Variants in TACC2 observed in about 807,000 individuals in gnomAD.
TACC2 encodes the protein transforming acidic coiled-coil containing protein 2.
Under a neutral mutation model 227.3 loss-of-function variants are expected in TACC2, and 137 were observed. That is an observed-to-expected ratio of 0.60 (90% confidence interval 0.52 to 0.69). TACC2 has a LOEUF of 0.69. Ranked by LOEUF, TACC2 falls within the 30% of genes least tolerant of loss-of-function variation. TACC2 has a pLI of 0.00. For missense variants in TACC2, 3,470 were observed against 3,694.4 expected (o/e 0.94, Z 1.57); for synonymous variants, 1,523 against 1,487.5 (o/e 1.02, Z -0.55).
chr10:122,147,531 C>A (rs145529059), intron 7 of TACC2, among the ~76,000 whole-genome samples: 12 of 152,138 alleles, frequency 7.9e-5, no homozygotes, highest in African/African-American at 2.9e-4. Flanking sequence ...AGTTGTGCTC[C>A]TCCTCTGTTA....
At chr10:122,245,260 C>CTA in intron 19 of TACC2, among the ~76,000 whole-genome samples, 1 of 152,244 alleles carries the variant, frequency 6.6e-6, no homozygotes, top group African/African-American at 2.4e-5. Context: ...TGTAGGGTGT[C>CTA]TTTCTCCTGA....
At chr10:122,008,264 A>ATTATTATTATTT in intron 1 of TACC2, among the ~76,000 whole-genome samples, 97 of 134,654 alleles carry the variant, frequency 7.2e-4, no homozygotes, top group South Asian at 2.1e-3. Flanking sequence ...TATTATTATT[A>ATTATTATTATTT]TTTTTTTTTT....
intron 3 of TACC2, among the ~76,000 whole-genome samples, chr10:122,061,013 AAAAAAAGGGG>A: frequency 2.2e-5 from 1 of 45,924 alleles, no homozygotes; most frequent in African/African-American, 4.7e-5. Context: ...AAAAAAAAAA[AAAAAAAGGGG>A]GGGGGGCCAG....
At chr10:122,112,899 A>G (rs965921374) in intron 5 of TACC2, 3 of 151,800 alleles carry the variant, frequency 2.0e-5, no homozygotes, top group Non-Finnish European at 4.4e-5. Context: ...CTGGCCGGGG[A>G]GGAGAGCGCG....
chr10:122,155,833 A>ATTTTTTTTTTTTTTTTTTTTTTT (rs66559186), intron 7 of TACC2, among the ~76,000 whole-genome samples: 1 of 118,304 alleles, frequency 8.5e-6, no homozygotes. Context: ...TAGTGGGAAA[A>ATTTTTTTTTTTTTTTTTTTTTTT]TTTTTTTTTT....
At position 122,083,008 on chromosome 10, in the gene TACC2, G is replaced by A. The variant is rs11200385; in HGVS notation, c.508G>A (p.Val170Ile). The A allele has an allele frequency of 0.22, 356,762 of 1,612,000 alleles. 41,173 individuals carry two copies. The highest frequency in any genetic ancestry group is 0.34 in the African/African-American group (25,627 of 74,900). The change falls in exon 4 of 23, where the codon GTC becomes ATC. Residue 170 changes from valine to isoleucine, a missense_variant. This residue lies in a region of TACC2 where 405 missense variants were observed against 389.6 expected (regional missense o/e 1.04). Transcript: ENST00000369005. ...SSTPYQEIAAVPSAGRERQPK... is the reference protein window; with the variant it reads ...SSTPYQEIAAIPSAGRERQPK... The stretch of plus-strand genomic sequence containing the variant: ...TACTCCATACCAAGAGATTGCTGCC[G>A]TCCCCAGTGCTGGAAGAGAGAGACA...
intron 1 of TACC2, among the ~76,000 whole-genome samples, chr10:122,000,734 T>G (rs1237353015): frequency 6.6e-6 from 1 of 152,226 alleles, no homozygotes; most frequent in African/African-American, 2.4e-5. Flanking sequence ...TCATTTATTA[T>G]CCTACTTTCC....
chr10:122,050,379 T>C lies in TACC2; in HGVS notation c.34-59T>C. ...GTGGGTGCCCTGTTGATAAATGTTT[T>C]TGTGTTTTCAGAGACTCCTATCTGA... On this transcript the variant is annotated intron_variant, in intron 2 of 22. Coordinates refer to ENST00000369005, the MANE Select transcript of TACC2 (RefSeq NM_206862.4). The surrounding 1 kb of genome is among the most constrained non-coding windows in gnomAD (Gnocchi z 4.6). The C allele has an allele frequency of 7.3e-7, 1 of 1,373,690 alleles. No individual in the cohort carries two copies. Among genetic ancestry groups the C allele is most frequent in the Non-Finnish European group, 1.0e-6 (1 of 973,000 alleles). The allele number at this position is 1,373,690 out of a possible 1,614,324, so 85.1% of individuals were successfully genotyped here. A position where few individuals can be genotyped will look rare whatever the true frequency, so the allele number is the denominator to read the frequency against.
intron 8 of TACC2, among the ~76,000 whole-genome samples, chr10:122,201,110 T>G (rs1469002218): frequency 1.7e-5 from 2 of 117,190 alleles, no homozygotes; most frequent in Admixed American, 8.1e-5. Context: ...ACATCTACAG[T>G]GAGAGGACGG....
intron 5 of TACC2, among the ~76,000 whole-genome samples, chr10:122,130,121 G>A (rs180671335): frequency 6.6e-6 from 1 of 152,226 alleles, no homozygotes; most frequent in African/African-American, 2.4e-5. Context: ...CCTCAGCCTC[G>A]TGTGGCTGGG....
chr10:122,095,248 A>G (rs925740553), intron 5 of TACC2, among the ~76,000 whole-genome samples: 3 of 152,178 alleles, frequency 2.0e-5, no homozygotes, highest in Non-Finnish European at 2.9e-5. Flanking sequence ...AGAAAAGACC[A>G]TATGATTCTG....
chr10:122,112,033 A>G (rs1397207218), intron 5 of TACC2, among the ~76,000 whole-genome samples: 1 of 152,224 alleles, frequency 6.6e-6, no homozygotes, highest in Admixed American at 6.5e-5. Flanking sequence ...TTTATTCTAC[A>G]GAGAATCCTC....
chr10:122,026,445 A>T (rs1958033849), intron 2 of TACC2, among the ~76,000 whole-genome samples: 1 of 147,282 alleles, frequency 6.8e-6, no homozygotes, highest in Non-Finnish European at 1.5e-5. Flanking sequence ...ATTTTCTGCT[A>T]TTTTTTTTTT....
At chr10:122,004,352 C>T (rs377332666) in intron 1 of TACC2, among the ~76,000 whole-genome samples, 4 of 150,422 alleles carry the variant, frequency 2.7e-5, no homozygotes, top group Admixed American at 6.7e-5. Context: ...GAGACAAAAT[C>T]GTGCTACTGC....
chr10:122,035,171 G>A (rs1437496558), intron 2 of TACC2, among the ~76,000 whole-genome samples: 3 of 152,146 alleles, frequency 2.0e-5, no homozygotes, highest in Non-Finnish European at 4.4e-5. Context: ...GTCTTCCATC[G>A]TGCTTTGCAG....
chr10:122,055,156 G>A (rs2076097367), intron 3 of TACC2, among the ~76,000 whole-genome samples: 8 of 152,038 alleles, frequency 5.3e-5, no homozygotes, highest in Admixed American at 5.2e-4. Context: ...GGAGGTGGAG[G>A]TTGCAGTGAG....
rs149803621 is a variant in TACC2, at chr10:122,085,386, G to A, written c.2886G>A (p.Ser962=). ...ACGDGQSSRV[S]PPAADVLKDF... ...GTGATGGTCAGTCCTCGAGGGTCTC[G>A]CCTCCAGCAGCAGATGTCTTAAAAG... The change falls in exon 4 of 23, where the codon TCG becomes TCA. Residue 962 remains serine (S), a synonymous_variant. Coordinates refer to ENST00000369005, the MANE Select transcript of TACC2 (RefSeq NM_206862.4). 92 of 1,613,962 alleles carry A rather than the reference G, an allele frequency of 5.7e-5. No individual in the cohort carries two copies. Among genetic ancestry groups the A allele is most frequent in the African/African-American group, 4.9e-4 (37 of 75,006 alleles).
At chr10:122,026,382 G>A (rs1053374248) in intron 2 of TACC2, among the ~76,000 whole-genome samples, 5 of 146,680 alleles carry the variant, frequency 3.4e-5, no homozygotes, top group Admixed American at 6.7e-5. Flanking sequence ...GCTCTTAGGG[G>A]TGCTGCTTTT....
chr10:122,168,271 G>C (rs1365821464), intron 7 of TACC2, among the ~76,000 whole-genome samples: 2 of 152,132 alleles, frequency 1.3e-5, no homozygotes, highest in African/African-American at 4.8e-5. Flanking sequence ...TTAAACGACA[G>C]CATTCCTAAT....
Sources: gnomAD v4.1 joint callset for allele counts (sites outside exome capture counted in the v4.1 genomes callset) on GRCh38, gnomAD v4.1.1 for gene constraint, gnomAD v4.1.1 regional missense constraint, Gnocchi (gnomAD v3.1) non-coding constraint, MANE v1.5 for transcripts, NCBI Gene and HGNC (gene_info 2026-07-23, HGNC 2026-07-21) for gene names.